NARS2: variants seen among roughly 807,000 people sequenced by gnomAD.
NARS2 encodes the protein asparaginyl-tRNA synthetase 2, mitochondrial.
Under a neutral mutation model 62.9 loss-of-function variants are expected in NARS2, and 60 were observed. That is an observed-to-expected ratio of 0.95 (90% CI 0.77 to 1.18). NARS2 has a LOEUF of 1.18. NARS2 is among the 50% of genes most tolerant of loss of function. NARS2 has a pLI of 0.00. For synonymous variants in NARS2, 196 were observed against 200.0 expected, an observed-to-expected ratio of 0.98 and a Z score of 0.17; for missense variants, 619 against 576.4, an observed-to-expected ratio of 1.07 and a Z score of -0.76.
At chr11:78,538,994 C>CAAAAAAAAAAAA (rs59917269) in intron 5 of NARS2, among the ~76,000 whole-genome samples, 9 of 49,794 alleles carry the variant, frequency 1.8e-4, no homozygotes, top group South Asian at 1.8e-3. Flanking sequence ...GAATCCGTCT[C>CAAAAAAAAAAAA]AAAAAAAAAA....
At chr11:78,522,795 GTAA>G (rs1415165690) in intron 6 of NARS2, among the ~76,000 whole-genome samples, 5 of 152,254 alleles carry the variant, frequency 3.3e-5, no homozygotes, top group South Asian at 2.1e-4. Flanking sequence ...AGTTTCAGAA[GTAA>G]TAATAAGTTA....
chr11:78,563,055 T>C (rs904698897), intron 4 of NARS2, among the ~76,000 whole-genome samples: 3 of 152,164 alleles, frequency 2.0e-5, no homozygotes, highest in African/African-American at 7.2e-5. Context: ...GTATCACACA[T>C]AAAGGTAGAT....
intron 7 of NARS2, among the ~76,000 whole-genome samples, chr11:78,487,087 G>A (rs1460938094): frequency 1.3e-5 from 2 of 152,066 alleles, no homozygotes; most frequent in East Asian, 1.9e-4. Context: ...CAGGCATGGT[G>A]GCTCACGCCT....
chr11:78,492,130 CACACAT>C (rs1043015976), intron 7 of NARS2, among the ~76,000 whole-genome samples: 7 of 151,680 alleles, frequency 4.6e-5, no homozygotes, highest in African/African-American at 1.5e-4. Flanking sequence ...CACACACACA[CACACAT>C]ATATAGATTT....
intron 6 of NARS2, among the ~76,000 whole-genome samples, chr11:78,511,439 C>G (rs1330094273): frequency 6.6e-6 from 1 of 152,064 alleles, no homozygotes; most frequent in Non-Finnish European, 1.5e-5. Context: ...CAAAACAGGC[C>G]AGGCGCAGTG....
Position 78,535,170 on chromosome 11 carries a change from T to C in NARS2, c.595-6234A>G, listed in dbSNP as rs556037055. 5.3e-5 allele frequency among the ~76,000 whole-genome samples: 8 copies of C among 152,346 alleles called. No individual in the cohort carries two copies. The South Asian group carries it at 1.7e-3, about 32-fold the overall frequency. On this transcript the variant is annotated intron_variant, in intron 5 of 13. Transcript: ENST00000281038. ...ATAAACTGCAGAATTTTTTTGTACA[T>C]TGTGGCAGATAGTGTGATGTGAATA...
At position 78,443,705 on chromosome 11, in the gene NARS2, G is replaced by A. The variant is rs1857653753; in HGVS notation, c.1218C>T (p.Gly406=). The A allele has an allele frequency of 6.2e-6, 10 of 1,613,472 alleles. No individual in the cohort carries two copies. Among genetic ancestry groups the A allele is most frequent in the African/African-American group, 4.0e-5 (3 of 74,808 alleles). ...AGAAATGGTATCGTTCTTCTCTGAG[G>A]CCTCCTCCAAAGAGTTCCCCAACTC... ...VPGVGELFGG[G]LREERYHFLE... The change falls in exon 12 of 14, where the codon GGC becomes GGT. Residue 406 remains glycine, a synonymous_variant. Coordinates refer to ENST00000281038, the MANE Select transcript of NARS2 (RefSeq NM_024678.6).
At chr11:78,504,149 A>G (rs919941505) in intron 6 of NARS2, among the ~76,000 whole-genome samples, 3 of 152,264 alleles carry the variant, frequency 2.0e-5, no homozygotes, top group South Asian at 2.1e-4. Flanking sequence ...TAAAATTCAA[A>G]TTTTTCCACT....
intron 9 of NARS2, among the ~76,000 whole-genome samples, chr11:78,475,288 T>C (rs1372183161): frequency 6.6e-6 from 1 of 152,168 alleles, no homozygotes; most frequent in Non-Finnish European, 1.5e-5. Context: ...ATATACACAT[T>C]TACTTTATCC....
At chr11:78,475,088 A>G (rs1164182269) in intron 9 of NARS2, among the ~76,000 whole-genome samples, 1 of 151,798 alleles carries the variant, frequency 6.6e-6, no homozygotes, top group African/African-American at 2.4e-5. Flanking sequence ...AGAACCCCTC[A>G]CCGGCCACTG....
chr11:78,566,627 G>A (rs2135535320), intron 3 of NARS2, among the ~76,000 whole-genome samples: 2 of 152,264 alleles, frequency 1.3e-5, no homozygotes, highest in South Asian at 4.1e-4. Flanking sequence ...TGGCACACAG[G>A]AGTTCAAAAT....
At chr11:78,508,987 C>A (rs537844266) in intron 6 of NARS2, among the ~76,000 whole-genome samples, 1 of 151,566 alleles carries the variant, frequency 6.6e-6, no homozygotes, top group East Asian at 1.9e-4. Flanking sequence ...TAGTGGTGCA[C>A]GCATGTAGTC....
intron 11 of NARS2, among the ~76,000 whole-genome samples, chr11:78,453,443 C>A (rs1251411064): frequency 6.6e-6 from 1 of 151,994 alleles, no homozygotes; most frequent in Non-Finnish European, 1.5e-5. Flanking sequence ...AAATAAAACT[C>A]AGACCCTGAA....
chr11:78,500,834 T>C (rs1158897276), intron 6 of NARS2, among the ~76,000 whole-genome samples: 1 of 152,228 alleles, frequency 6.6e-6, no homozygotes, highest in Non-Finnish European at 1.5e-5. Flanking sequence ...GGCTCATGCC[T>C]GTAATCCAAA....
At chr11:78,494,979 ACT>A (rs1458201344) in intron 6 of NARS2, among the ~76,000 whole-genome samples, 1 of 151,902 alleles carries the variant, frequency 6.6e-6, no homozygotes, top group Non-Finnish European at 1.5e-5. Context: ...ACCTTGGAAA[ACT>A]CTGAAATCTC....
chr11:78,456,305 C>G (rs1009133041), intron 11 of NARS2, among the ~76,000 whole-genome samples: 1 of 152,194 alleles, frequency 6.6e-6, no homozygotes, highest in Non-Finnish European at 1.5e-5. Flanking sequence ...AAAAGGATTT[C>G]TCTTCCCTAT....
intron 6 of NARS2, among the ~76,000 whole-genome samples, chr11:78,498,671 C>CT (rs56691152): frequency 2.6e-4 from 37 of 141,534 alleles, no homozygotes; most frequent in Non-Finnish European, 3.8e-4. Flanking sequence ...CCAATACGCT[C>CT]TTTTTTTTTT....
chr11:78,570,019 T>C (rs1856866757), intron 2 of NARS2, among the ~76,000 whole-genome samples: 1 of 152,070 alleles, frequency 6.6e-6, no homozygotes. Flanking sequence ...TAAAATTCTG[T>C]CTCTACTAAA....
rs1565290885 is a variant in NARS2 at position 78,568,655 on chromosome 11, CTT to C, written c.347_348del (p.Lys116SerfsTer6). 4 of 1,612,672 alleles carry C rather than the reference CTT, an allele frequency of 2.5e-6. No homozygotes were observed. The South Asian group carries it at 4.4e-5, about 18-fold the overall frequency. ...QNVELKAEKI[K>X]VIGNCDAKDF... ...ACCTTGGCATCACAATTTCCAATAA[CTT>C]TAATTTTTTCTGCCTTCAGTTCCAC... is the stretch of plus-strand genomic sequence containing the variant. On this transcript the variant is annotated frameshift_variant, in exon 3 of 14. Transcript: ENST00000281038. LOFTEE classifies it high-confidence loss of function.
Sources: allele counts gnomAD v4.1 joint callset (sites outside exome capture counted in the v4.1 genomes callset), GRCh38; gene constraint gnomAD v4.1.1; transcripts MANE v1.5; gene names NCBI Gene and HGNC (gene_info 2026-07-23, HGNC 2026-07-21).